Variants in SIPA1L1 observed in about 807,000 individuals in gnomAD.
SIPA1L1 encodes signal-induced proliferation-associated 1-like protein 1.
In SIPA1L1, 26 loss-of-function variants were observed where a neutral mutation model predicts 162.7. The ratio of observed to expected loss-of-function variants is 0.16; its 90% CI spans 0.12 to 0.22. SIPA1L1 has a LOEUF of 0.22. Among genes scored for constraint, SIPA1L1 ranks in the 10% least tolerant of loss-of-function variants. The pLI is 1.00. For missense variants in SIPA1L1, 1,874 were observed against 2,241.0 expected, an observed-to-expected ratio of 0.84 and a Z score of 3.31; for synonymous variants, 829 against 837.4, an observed-to-expected ratio of 0.99 and a Z score of 0.17.
intron 2 of SIPA1L1, among the ~76,000 whole-genome samples, chr14:71,384,031 C>T (rs1455851155): frequency 6.6e-6 from 1 of 152,120 alleles, no homozygotes; most frequent in Non-Finnish European, 1.5e-5. Context: ...TTTGCTGGTT[C>T]TTTTCATATA....
chr14:71,501,382 C>T (rs1042524021), intron 2 of SIPA1L1, among the ~76,000 whole-genome samples: 1 of 151,998 alleles, frequency 6.6e-6, no homozygotes, highest in East Asian at 1.9e-4. Context: ...GTGAAATCCT[C>T]TGTAGTATTT....
At chr14:71,482,422 G>A (rs553593882) in intron 2 of SIPA1L1, among the ~76,000 whole-genome samples, 12 of 152,216 alleles carry the variant, frequency 7.9e-5, no homozygotes, top group African/African-American at 2.9e-4. Flanking sequence ...CTCAACCAAG[G>A]AAAGAATGGG....
At chr14:71,581,749 C>T (rs1317841608) in intron 4 of SIPA1L1, among the ~76,000 whole-genome samples, 1 of 152,152 alleles carries the variant, frequency 6.6e-6, no homozygotes, top group Non-Finnish European at 1.5e-5. Flanking sequence ...GGCATGGAAA[C>T]TCTCAATGCC....
chr14:71,517,118 G>A (rs896193207), intron 3 of SIPA1L1, among the ~76,000 whole-genome samples: 5 of 151,340 alleles, frequency 3.3e-5, no homozygotes, highest in East Asian at 1.9e-4. Flanking sequence ...GTTTTATTTC[G>A]TTTAATCTAG....
intron 10 of SIPA1L1, among the ~76,000 whole-genome samples, chr14:71,662,010 GA>G (rs2043564797): frequency 6.6e-6 from 1 of 152,204 alleles, no homozygotes; most frequent in Non-Finnish European, 1.5e-5. Context: ...TCTATCTGCA[GA>G]GACCTTTCTT....
intron 2 of SIPA1L1, among the ~76,000 whole-genome samples, chr14:71,342,281 A>G (rs907753416): frequency 1.3e-5 from 2 of 152,096 alleles, no homozygotes; most frequent in African/African-American, 4.8e-5. Context: ...TTGTCCCCCA[A>G]AGTGCTGGGA....
chr14:71,482,618 TAGAC>T (rs771180011), intron 2 of SIPA1L1, among the ~76,000 whole-genome samples: 10 of 152,272 alleles, frequency 6.6e-5, no homozygotes, highest in African/African-American at 1.2e-4. Context: ...AAGAAAGACT[TAGAC>T]AGGATTAGAG....
rs188247408 is a variant in SIPA1L1 at position 71,446,439 on chromosome 14, C to T, written c.-464-66304C>T. On this transcript the variant is annotated intron_variant, in intron 2 of 23. Coordinates refer to ENST00000381232, the MANE Select transcript of SIPA1L1 (RefSeq NM_001386936.1). ...TTTAGAGGCTGGATATGGTGGCTCA[C>T]ACCTGTAATCCCAGCTCTTTGTGAG... 7.9e-4 allele frequency among the ~76,000 whole-genome samples: 120 copies of T among 152,254 alleles called. No homozygotes were observed. The South Asian group carries it at 0.013, about 17-fold the overall frequency.
At chr14:71,450,355 T>C (rs1207271427) in intron 2 of SIPA1L1, among the ~76,000 whole-genome samples, 1 of 152,210 alleles carries the variant, frequency 6.6e-6, no homozygotes, top group Non-Finnish European at 1.5e-5. Flanking sequence ...TAAGACTCTG[T>C]ACTCATTTAT....
At position 71,529,369 on chromosome 14, in the gene SIPA1L1, T is replaced by C. The variant is rs1045615023; in HGVS notation, c.-304T>C. 5 of 681,124 alleles carry C rather than the reference T, an allele frequency of 7.3e-6. No homozygotes were observed. In the African/African-American group the frequency reaches 8.8e-5, roughly 12 times the overall value. The allele number at this position is 681,124 out of a possible 1,614,324, so 42.2% of individuals were successfully genotyped here. On this transcript the variant is annotated splice_region_variant and 5_prime_UTR_variant, in exon 4 of 24. Coordinates refer to ENST00000381232, the MANE Select transcript of SIPA1L1 (RefSeq NM_001386936.1). ...TTTCGGTAGCCATGGCACAAGAATATAGTAAGTACTATGCCATACTTCCTA... is the reference window on the plus strand; with the variant it reads ...TTTCGGTAGCCATGGCACAAGAATACAGTAAGTACTATGCCATACTTCCTA...
chr14:71,353,025 A>G (rs111361448), intron 2 of SIPA1L1, among the ~76,000 whole-genome samples: 2,689 of 152,366 alleles, frequency 0.018, 32 homozygotes, highest in African/African-American at 0.026. Context: ...AAATGACCAT[A>G]TACATTTGTG....
At chr14:71,577,728 G>GC (rs1410967372) in intron 4 of SIPA1L1, among the ~76,000 whole-genome samples, 2 of 109,670 alleles carry the variant, frequency 1.8e-5, no homozygotes, top group African/African-American at 7.4e-5. Flanking sequence ...TGTTGGGCAT[G>GC]CCTTTTTTTT....
chr14:71,622,173 C>T (rs865825542), intron 6 of SIPA1L1, among the ~76,000 whole-genome samples: 25 of 152,144 alleles, frequency 1.6e-4, no homozygotes, highest in African/African-American at 5.8e-4. Flanking sequence ...CAGTAAGCGG[C>T]AGCAAGATAA....
At position 71,377,001 on chromosome 14, in the gene SIPA1L1, A is replaced by T. The variant is rs1277772956; in HGVS notation, c.-465+55820A>T. Among the ~76,000 whole-genome samples, 1 of 152,136 alleles carries T rather than the reference A, an allele frequency of 6.6e-6. No individual in the cohort carries two copies. The highest frequency in any genetic ancestry group is 1.5e-5 in the Non-Finnish European group (1 of 68,024). ...CCCCACATTTCCCCCTTTCTATTCG[A>T]CAAAACCACCATCGTCATTATGGCC... On this transcript the variant is annotated intron_variant, in intron 2 of 23. Transcript: ENST00000381232. This position sits in a 1 kb window ranked among gnomAD's most constrained non-coding sequence, Gnocchi z 4.8.
chr14:71,639,678 T>A (rs1236895471), intron 7 of SIPA1L1, among the ~76,000 whole-genome samples: 1 of 152,212 alleles, frequency 6.6e-6, no homozygotes, highest in Non-Finnish European at 1.5e-5. Flanking sequence ...CAAGACATGT[T>A]ATATAGCTCC....
intron 2 of SIPA1L1, among the ~76,000 whole-genome samples, chr14:71,367,969 C>T (rs1180606088): frequency 2.0e-5 from 3 of 146,470 alleles, no homozygotes; most frequent in Admixed American, 6.8e-5. Flanking sequence ...GATTTATTTC[C>T]GGGGCATTGG....
intron 19 of SIPA1L1, among the ~76,000 whole-genome samples, chr14:71,729,189 C>T (rs1057392901): frequency 3.0e-4 from 45 of 152,236 alleles, no homozygotes; most frequent in Middle Eastern, 6.8e-3. Context: ...GCGTGCACCA[C>T]CACGGCTGGG....
intron 13 of SIPA1L1, among the ~76,000 whole-genome samples, chr14:71,686,783 T>C (rs1323882035): frequency 1.3e-5 from 2 of 152,188 alleles, no homozygotes; most frequent in East Asian, 3.9e-4. Context: ...CATCTCAGAA[T>C]GTTGTTGTGA....
intron 13 of SIPA1L1, among the ~76,000 whole-genome samples, chr14:71,692,526 C>T (rs949155825): frequency 6.6e-5 from 10 of 152,234 alleles, no homozygotes; most frequent in African/African-American, 2.4e-4. Context: ...ACAGCGTACT[C>T]TGGCATCCAT....
Sources: allele counts gnomAD v4.1 joint callset (sites outside exome capture counted in the v4.1 genomes callset), GRCh38; gene constraint gnomAD v4.1.1; non-coding constraint Gnocchi (gnomAD v3.1); transcripts MANE v1.5; gene names NCBI Gene and HGNC (gene_info 2026-07-23, HGNC 2026-07-21).